Variants in DOCK5 observed in about 807,000 individuals in gnomAD.
DOCK5 encodes dedicator of cytokinesis 5.
DOCK5 carries 142 observed loss-of-function variants against 251.8 expected under a neutral mutation model. The observed-to-expected ratio is 0.56, with a 90% CI of 0.49 to 0.65. DOCK5 has a LOEUF of 0.65. Ranked by LOEUF, DOCK5 falls within the 30% of genes least tolerant of loss-of-function variation. The pLI is 0.00. For synonymous variants in DOCK5, 842 were observed against 835.5 expected (o/e 1.01, Z -0.13); for missense variants, 2,111 against 2,312.3 (o/e 0.91, Z 1.79).
At chr8:25,333,952 G>T in intron 20 of DOCK5, 144 bp from the exon 21 acceptor site, 1 of 644,378 alleles carries the variant, frequency 1.6e-6, no homozygotes, top group Non-Finnish European at 2.8e-6. Context: ...CTCAAGACTT[G>T]ACATCAGCTC....
At chr8:25,202,004 A>G (rs1227505230) in intron 1 of DOCK5, among the ~76,000 whole-genome samples, 2 of 152,078 alleles carry the variant, frequency 1.3e-5, no homozygotes, top group African/African-American at 4.8e-5. Context: ...TGGGAAAAAA[A>G]CATATATATA....
At chr8:25,349,935 A>G (rs910913024) in intron 26 of DOCK5, among the ~76,000 whole-genome samples, 1 of 152,238 alleles carries the variant, frequency 6.6e-6, no homozygotes, top group African/African-American at 2.4e-5. Flanking sequence ...AAATTCCTAC[A>G]GCCATAGACA....
chr8:25,348,245 A>T lies in DOCK5; in HGVS notation c.2754+2634A>T, dbSNP rs555262831. Among the ~76,000 whole-genome samples, 34 of 152,000 alleles carry T rather than the reference A, an allele frequency of 2.2e-4. 1 individual carries two copies. Among genetic ancestry groups the T allele is most frequent in the African/African-American group, 8.2e-4 (34 of 41,482 alleles). Reference sequence around the variant, plus strand: ...TTGCAGGATTCCCTCCTCTCCCCACAGCTCTGTTTTGGAATTGTCCTGGTT... The same window carrying T: ...TTGCAGGATTCCCTCCTCTCCCCACTGCTCTGTTTTGGAATTGTCCTGGTT... On this transcript the variant is annotated intron_variant, in intron 26 of 51. Coordinates refer to ENST00000276440, the MANE Select transcript of DOCK5 (RefSeq NM_024940.8).
At chr8:25,252,906 A>T (rs1400631480) in intron 2 of DOCK5, among the ~76,000 whole-genome samples, 1 of 152,176 alleles carries the variant, frequency 6.6e-6, no homozygotes, top group Non-Finnish European at 1.5e-5. Flanking sequence ...ATCTTGGCTC[A>T]CTACAACCTC....
chr8:25,256,249 A>G (rs1445404037), intron 2 of DOCK5, among the ~76,000 whole-genome samples: 1 of 152,232 alleles, frequency 6.6e-6, no homozygotes, highest in Non-Finnish European at 1.5e-5. Flanking sequence ...AAACAACTGT[A>G]TCTAGCAATT....
intron 5 of DOCK5, among the ~76,000 whole-genome samples, chr8:25,285,881 TGTGGC>T (rs2117141252): frequency 6.6e-6 from 1 of 152,322 alleles, no homozygotes; most frequent in East Asian, 1.9e-4. Context: ...AGAGCCAAGA[TGTGGC>T]GTGGGACTGA....
chr8:25,361,507 G>A (rs1800679120), intron 28 of DOCK5, among the ~76,000 whole-genome samples: 1 of 152,138 alleles, frequency 6.6e-6, no homozygotes, highest in Non-Finnish European at 1.5e-5. Flanking sequence ...CCAGCTCCTG[G>A]GGTGGCTGAG....
intron 1 of DOCK5, among the ~76,000 whole-genome samples, chr8:25,213,765 G>A (rs751482437): frequency 1.3e-5 from 2 of 152,188 alleles, no homozygotes; most frequent in East Asian, 3.9e-4. Context: ...AAATGACTTT[G>A]GTGGAGCCTG....
At chr8:25,194,008 G>A (rs1396542214) in intron 1 of DOCK5, among the ~76,000 whole-genome samples, 4 of 151,936 alleles carry the variant, frequency 2.6e-5, no homozygotes, top group Admixed American at 6.6e-5. Flanking sequence ...AATTGAAGCC[G>A]GGCATGGTGG....
At chr8:25,410,975 G>A (rs1232159124) in intron 51 of DOCK5, among the ~76,000 whole-genome samples, 1 of 22,784 alleles carries the variant, frequency 4.4e-5, no homozygotes, top group African/African-American at 1.3e-4. Context: ...GTGTGTGTGC[G>A]CGCGCGCGCA....
In DOCK5 at chr8:25,362,984, C is replaced by T. The variant is rs181966746; in HGVS notation, c.2950-63C>T. On this transcript the variant is annotated intron_variant, in intron 28 of 51. Transcript: ENST00000276440. ...GAGGTTGTGGTTCTGCTTGTATACACGCCAGAATAAAGACTATGAACGTAA... is the reference window on the plus strand; with the variant it reads ...GAGGTTGTGGTTCTGCTTGTATACATGCCAGAATAAAGACTATGAACGTAA... 5.5e-5 allele frequency: 69 copies of T among 1,261,902 alleles called. 1 individual carries two copies. The South Asian group carries it at 6.5e-4, about 12-fold the overall frequency. 78.2% of individuals were successfully genotyped at this position (1,261,902 alleles called of 1,614,324 possible). A position where few individuals can be genotyped will look rare whatever the true frequency, so the allele number is the denominator to read the frequency against.
chr8:25,328,912 G>C (rs1805622989), intron 18 of DOCK5, among the ~76,000 whole-genome samples: 1 of 152,192 alleles, frequency 6.6e-6, no homozygotes, highest in Admixed American at 6.5e-5. Flanking sequence ...TTATTGATCA[G>C]AAAATTGAGT....
At chr8:25,306,850 C>G (rs1259808709) in intron 11 of DOCK5, among the ~76,000 whole-genome samples, 4 of 152,176 alleles carry the variant, frequency 2.6e-5, no homozygotes. Flanking sequence ...TCACTAGGCT[C>G]TCTTGTCATT....
chr8:25,195,511 C>T (rs1485129541), intron 1 of DOCK5, among the ~76,000 whole-genome samples: 1 of 152,168 alleles, frequency 6.6e-6, no homozygotes, highest in East Asian at 1.9e-4. Context: ...TGGGATCAGA[C>T]CTGCCGCCTC....
intron 9 of DOCK5, 141 bp downstream of exon 9, chr8:25,300,798 A>G: frequency 2.4e-6 from 2 of 850,226 alleles, no homozygotes; most frequent in South Asian, 1.9e-5. Flanking sequence ...CCACCCATTT[A>G]TTCAACATGT....
In DOCK5 at chr8:25,414,200, T is replaced by A. The variant is rs916252809; in HGVS notation, c.*2902T>A. ...TTGTTTTATTCAACATATATCAAGT[T>A]CTTATGGAATGCCAGTCATGGTACT... On this transcript the variant is annotated 3_prime_UTR_variant, in exon 52 of 52. Coordinates refer to ENST00000276440, the MANE Select transcript of DOCK5 (RefSeq NM_024940.8). 2 of 152,168 alleles carry A rather than the reference T, an allele frequency of 1.3e-5. No individual in the cohort carries two copies. Among genetic ancestry groups the A allele is most frequent in the African/African-American group, 4.8e-5 (2 of 41,424 alleles). 9.4% of individuals were successfully genotyped at this position (152,168 alleles called of 1,614,324 possible).
At chr8:25,396,784 GTGTGTGTGTGTGTGTC>G (rs1452920042) in intron 45 of DOCK5, among the ~76,000 whole-genome samples, 6 of 100,806 alleles carry the variant, frequency 6.0e-5, no homozygotes, top group African/African-American at 2.1e-4. Flanking sequence ...GTGTGTGTGT[GTGTGTGTGTGTGTGTC>G]CCGGGAAGAG....
At chr8:25,376,108 A>C in intron 37 of DOCK5, 1 of 970,450 alleles carries the variant, frequency 1.0e-6, no homozygotes, top group Non-Finnish European at 1.2e-6. Flanking sequence ...CAAAAGAAAA[A>C]AAAAAAAAAA....
At chr8:25,312,994 A>G (rs1805143217) in intron 13 of DOCK5, among the ~76,000 whole-genome samples, 1 of 152,118 alleles carries the variant, frequency 6.6e-6, no homozygotes. Context: ...TCAGCTAATC[A>G]AGATCTCCTT....
Sources: gnomAD v4.1 joint callset for allele counts (sites outside exome capture counted in the v4.1 genomes callset) on GRCh38, gnomAD v4.1.1 for gene constraint, MANE v1.5 for transcripts, NCBI Gene and HGNC (gene_info 2026-07-23, HGNC 2026-07-21) for gene names.